The following PDZD2 variants were observed in gnomAD, a reference collection of about 807,000 sequenced individuals.
The protein encoded by PDZD2 is PDZ domain containing 2.
A neutral mutation model predicts 220.7 loss-of-function variants in PDZD2; 90 were observed. The observed-to-expected ratio is 0.41, with a 90% CI of 0.34 to 0.49. The LOEUF (loss-of-function observed/expected upper bound fraction) is 0.49. Among genes scored for constraint, PDZD2 ranks in the 20% least tolerant of loss-of-function variants. The pLI, the probability that PDZD2 is intolerant of heterozygous loss-of-function variation, is 0.28. For missense variants in PDZD2, 3,174 were observed against 3,608.5 expected, an observed-to-expected ratio of 0.88 and a Z score of 3.08; for synonymous variants, 1,375 against 1,450.5, an observed-to-expected ratio of 0.95 and a Z score of 1.18.
intron 1 of PDZD2, among the ~76,000 whole-genome samples, chr5:31,676,136 A>T (rs984831804): frequency 6.6e-6 from 1 of 152,226 alleles, no homozygotes; most frequent in Admixed American, 6.5e-5. Flanking sequence ...TGGACTGGCC[A>T]TGAGTTAGCC....
At chr5:32,077,717 G>A in intron 19 of PDZD2, 111 bp downstream of exon 19, 2 of 1,163,378 alleles carry the variant, frequency 1.7e-6, no homozygotes, top group Non-Finnish European at 2.5e-6. Flanking sequence ...AGCACTCTGG[G>A]AGGCCGAGGT....
At chr5:31,830,218 T>G (rs1337103677) in intron 2 of PDZD2, among the ~76,000 whole-genome samples, 12 of 149,878 alleles carry the variant, frequency 8.0e-5, no homozygotes. Context: ...CAGGCTGGAG[T>G]GCAGTGGAGC....
chr5:31,989,213 G>A (rs563126600), intron 3 of PDZD2, among the ~76,000 whole-genome samples: 12 of 152,144 alleles, frequency 7.9e-5, no homozygotes, highest in African/African-American at 2.9e-4. Flanking sequence ...CCGTTTTCCA[G>A]TCTCCAGTGT....
intron 2 of PDZD2, among the ~76,000 whole-genome samples, chr5:31,859,195 CAT>C (rs977304389): frequency 1.6e-4 from 25 of 152,238 alleles, no homozygotes; most frequent in Middle Eastern, 3.4e-3. Flanking sequence ...CTTAAAAAAA[CAT>C]AGCCTTCAAA....
chr5:31,923,489 T>A, intron 2 of PDZD2: 1 of 949,762 alleles, frequency 1.1e-6, no homozygotes, highest in Non-Finnish European at 1.7e-6. Context: ...GGGGTGCAGA[T>A]CCTGGAATGT....
At chr5:31,924,679 T>A (rs1465823344) in intron 2 of PDZD2, among the ~76,000 whole-genome samples, 1 of 152,192 alleles carries the variant, frequency 6.6e-6, no homozygotes, top group East Asian at 1.9e-4. Flanking sequence ...CTGATTCTGG[T>A]CTTGAGACGT....
chr5:32,005,146 C>T (rs532576693), intron 5 of PDZD2, among the ~76,000 whole-genome samples: 14 of 152,316 alleles, frequency 9.2e-5, no homozygotes, highest in African/African-American at 3.1e-4. Flanking sequence ...AATCCACAAG[C>T]TTCCTTGCTG....
intron 2 of PDZD2, among the ~76,000 whole-genome samples, chr5:31,826,294 A>G (rs180785222): frequency 6.6e-6 from 1 of 152,254 alleles, no homozygotes; most frequent in African/African-American, 2.4e-5. Context: ...TGGGGAGGGT[A>G]GGAGTGAGGC....
intron 2 of PDZD2, among the ~76,000 whole-genome samples, chr5:31,859,702 C>G (rs1402204084): frequency 6.6e-6 from 1 of 152,100 alleles, no homozygotes; most frequent in South Asian, 2.1e-4. Flanking sequence ...CTTCAAATGT[C>G]TGATGATCCT....
At chr5:31,688,104 T>C (rs908939960) in intron 1 of PDZD2, among the ~76,000 whole-genome samples, 1 of 152,198 alleles carries the variant, frequency 6.6e-6, no homozygotes, top group Admixed American at 6.5e-5. Flanking sequence ...CAGTGGGGTC[T>C]AGTGTAGCAC....
intron 19 of PDZD2, among the ~76,000 whole-genome samples, chr5:32,079,249 ACT>A (rs1741659814): frequency 7.5e-6 from 1 of 132,468 alleles, no homozygotes; most frequent in African/African-American, 3.0e-5. Context: ...ACAGAGTGAG[ACT>A]CTGTCTCAAA....
chr5:31,849,933 C>CATATATATATAT (rs1462701244), intron 2 of PDZD2, among the ~76,000 whole-genome samples: 2 of 12,480 alleles, frequency 1.6e-4, no homozygotes, highest in East Asian at 2.7e-3. Flanking sequence ...TATATATATA[C>CATATATATATAT]ACATATATAT....
chr5:31,754,221 C>T (rs772434327), intron 1 of PDZD2: 1 of 152,284 alleles, frequency 6.6e-6, no homozygotes, highest in Non-Finnish European at 1.5e-5. Context: ...CATTGATCCT[C>T]GCGCCCTCTT....
intron 1 of PDZD2, among the ~76,000 whole-genome samples, chr5:31,697,504 AAAG>A (rs1747424706): frequency 1.3e-5 from 2 of 152,202 alleles, no homozygotes; most frequent in Admixed American, 6.5e-5. Flanking sequence ...GAAAGAACAT[AAAG>A]AAGATTTAAA....
chr5:31,831,911 C>CAAAAAAAAAAA (rs56394577), intron 2 of PDZD2, among the ~76,000 whole-genome samples: 3 of 63,730 alleles, frequency 4.7e-5, no homozygotes, highest in African/African-American at 2.0e-4. Context: ...GAGACTGTTT[C>CAAAAAAAAAAA]AAAAAAAAAA....
chr5:31,681,499 C>T (rs1413740954), intron 1 of PDZD2, among the ~76,000 whole-genome samples: 1 of 152,042 alleles, frequency 6.6e-6, no homozygotes, highest in African/African-American at 2.4e-5. Flanking sequence ...CCACCAACCT[C>T]GGCCTCTCAA....
chr5:31,805,611 T>C (rs1412902814), intron 2 of PDZD2, among the ~76,000 whole-genome samples: 1 of 152,200 alleles, frequency 6.6e-6, no homozygotes, highest in African/African-American at 2.4e-5. Context: ...TGAAGGACTC[T>C]CTTGCAATCT....
intron 1 of PDZD2, among the ~76,000 whole-genome samples, chr5:31,730,586 GT>G (rs1297720031): frequency 0.024 from 2,046 of 84,628 alleles, 50 homozygotes; most frequent in African/African-American, 0.067. Flanking sequence ...GTGTGTGTGT[GT>G]GTGTGGTGTG....
intron 2 of PDZD2, among the ~76,000 whole-genome samples, chr5:31,888,971 C>T (rs554087837): frequency 2.6e-5 from 4 of 152,246 alleles, no homozygotes; most frequent in South Asian, 4.2e-4. Flanking sequence ...CAACCTCCGT[C>T]GGCTTCAGTT....
Sources: gnomAD v4.1 joint callset for allele counts (sites outside exome capture counted in the v4.1 genomes callset) on GRCh38, gnomAD v4.1.1 for gene constraint, MANE v1.5 for transcripts, NCBI Gene and HGNC (gene_info 2026-07-23, HGNC 2026-07-21) for gene names.